SLIT1: variants seen among roughly 807,000 people sequenced by gnomAD.
The protein encoded by SLIT1 is slit guidance ligand 1, also known as slit homolog 1 protein.
A neutral mutation model predicts 186.1 loss-of-function variants in SLIT1; 66 were observed. The ratio of observed to expected loss-of-function variants is 0.35; its 90% CI spans 0.29 to 0.44. SLIT1 has a LOEUF of 0.44. Among genes scored for constraint, SLIT1 ranks in the 20% least tolerant of loss-of-function variants. The pLI, the probability that SLIT1 is intolerant of heterozygous loss-of-function variation, is 1.00. For missense variants in SLIT1, 1,638 were observed against 2,037.4 expected, an observed-to-expected ratio of 0.80 and a Z score of 3.77; for synonymous variants, 761 against 833.8, an observed-to-expected ratio of 0.91 and a Z score of 1.50.
intron 3 of SLIT1, 127 bp downstream of exon 3, chr10:97,163,253 G>A: frequency 2.6e-6 from 2 of 760,188 alleles, no homozygotes; most frequent in Non-Finnish European, 4.5e-6. Context: ...TCCATCCGCT[G>A]GTGGAGGCAG....
chr10:97,165,892 C>A (rs528564290), intron 1 of SLIT1, among the ~76,000 whole-genome samples: 1 of 152,244 alleles, frequency 6.6e-6, no homozygotes, highest in East Asian at 1.9e-4. Flanking sequence ...CTGCCCCACC[C>A]AGCCTCGCTC....
chr10:97,127,117 C>T (rs1425780081), intron 4 of SLIT1, among the ~76,000 whole-genome samples: 5 of 142,632 alleles, frequency 3.5e-5, no homozygotes, highest in South Asian at 2.4e-4. Flanking sequence ...GGTGAAACCC[C>T]GTCTCTACTA....
intron 21 of SLIT1, 33 bp downstream of exon 21, chr10:97,039,955 C>G (rs376748897): frequency 6.2e-7 from 1 of 1,610,456 alleles, no homozygotes; most frequent in African/African-American, 1.3e-5. Context: ...CCTGTGGACC[C>G]ACGTGAAGGG....
rs1350039510 is a variant in SLIT1 at position 97,037,819 on chromosome 10, C to A, written c.2298-53G>T. ...GCCCATCTCCACCTCTGGTGGTGCC[C>A]CATGCTGGGGACAGCCTTCCCTGCA... is the stretch of plus-strand genomic sequence containing the variant. On this transcript the variant is annotated intron_variant, in intron 21 of 36. Coordinates refer to ENST00000266058, the MANE Select transcript of SLIT1 (RefSeq NM_003061.3). The A allele has an allele frequency of 2.7e-6, 4 of 1,470,522 alleles. No homozygotes were observed. In the Admixed American group the frequency reaches 6.9e-5, roughly 26 times the overall value. 91.1% of individuals were successfully genotyped at this position (1,470,522 alleles called of 1,614,324 possible).
chr10:97,000,972 C>T lies in SLIT1; in HGVS notation c.*140G>A. 1 of 665,682 alleles carries T rather than the reference C, an allele frequency of 1.5e-6. No individual in the cohort carries two copies. The highest frequency in any genetic ancestry group is 2.5e-6 in the Non-Finnish European group (1 of 393,098). The allele number at this position is 665,682 out of a possible 1,614,324, so 41.2% of individuals were successfully genotyped here. A position where few individuals can be genotyped will look rare whatever the true frequency, so the allele number is the denominator to read the frequency against. ...TTGCTTTTAAAAGGCTGCTCTGGCA[C>T]CACCCCACCCAGGAGGGCCCAGCTG... is the stretch of plus-strand genomic sequence containing the variant. On this transcript the variant is annotated 3_prime_UTR_variant, in exon 37 of 37. Transcript: ENST00000266058.
rs535197592 is a variant in SLIT1 at position 97,053,879 on chromosome 10, C to G, written c.1301+2442G>C. On this transcript the variant is annotated intron_variant, in intron 13 of 36. Coordinates refer to ENST00000266058, the MANE Select transcript of SLIT1 (RefSeq NM_003061.3). ...TTCTGATATGGTTTGGATGTTCGTC[C>G]CCACCAAACCTCATGTTGAAATGTA... Among the ~76,000 whole-genome samples, 6 of 152,228 alleles carry G rather than the reference C, an allele frequency of 3.9e-5. No individual in the cohort carries two copies. The South Asian group carries it at 1.0e-3, about 26-fold the overall frequency.
chr10:97,170,638 C>G (rs976058096), intron 1 of SLIT1, among the ~76,000 whole-genome samples: 12 of 152,224 alleles, frequency 7.9e-5, no homozygotes, highest in South Asian at 2.1e-4. Context: ...ATCCTTCTCC[C>G]CAAGGAGGAA....
At chr10:97,135,543 G>A (rs1281938516) in intron 4 of SLIT1, among the ~76,000 whole-genome samples, 1 of 152,192 alleles carries the variant, frequency 6.6e-6, no homozygotes, top group African/African-American at 2.4e-5. Context: ...GGAACTGGAG[G>A]CCGAGCAATA....
intron 4 of SLIT1, among the ~76,000 whole-genome samples, chr10:97,114,947 T>A (rs548397021): frequency 3.9e-5 from 6 of 152,210 alleles, no homozygotes; most frequent in Admixed American, 3.9e-4. Flanking sequence ...CCTTAGCACA[T>A]GATAAATGGC....
At chr10:97,034,424 A>G (rs747364657) in intron 23 of SLIT1, 47 bp downstream of exon 23, 7 of 1,360,740 alleles carry the variant, frequency 5.1e-6, no homozygotes, top group Non-Finnish European at 7.4e-6. Flanking sequence ...GGAATGACTC[A>G]CAGCCATGGC....
chr10:97,173,299 T>C (rs1850214816), intron 1 of SLIT1, among the ~76,000 whole-genome samples: 1 of 152,176 alleles, frequency 6.6e-6, no homozygotes, highest in South Asian at 2.1e-4. Flanking sequence ...GCCTGGCTCC[T>C]TCATAAACAT....
intron 4 of SLIT1, among the ~76,000 whole-genome samples, chr10:97,136,662 C>T (rs1311494753): frequency 1.3e-5 from 2 of 152,212 alleles, no homozygotes; most frequent in Non-Finnish European, 2.9e-5. Flanking sequence ...TGGGTCCTCC[C>T]TGAAAGCCAG....
chr10:97,102,521 T>C (rs940023261), intron 4 of SLIT1: 2 of 151,432 alleles, frequency 1.3e-5, no homozygotes, highest in Admixed American at 6.6e-5. Context: ...GTGACAACCT[T>C]AGAGACTGCC....
chr10:97,016,594 A>G (rs1848456904), intron 28 of SLIT1, among the ~76,000 whole-genome samples: 1 of 152,130 alleles, frequency 6.6e-6, no homozygotes, highest in Non-Finnish European at 1.5e-5. Flanking sequence ...GGGTTTTGCC[A>G]TGGGGATTTT....
At chr10:97,161,551 C>T (rs1223642514) in intron 3 of SLIT1, among the ~76,000 whole-genome samples, 8 of 152,100 alleles carry the variant, frequency 5.3e-5, no homozygotes, top group East Asian at 1.9e-4. Context: ...CCAAGGCGGG[C>T]GGATCACCTG....
intron 4 of SLIT1, among the ~76,000 whole-genome samples, chr10:97,149,464 G>A (rs959060465): frequency 2.6e-5 from 4 of 152,218 alleles, no homozygotes; most frequent in Admixed American, 1.3e-4. Flanking sequence ...ACATTGAACC[G>A]GGCGGGGCAG....
intron 14 of SLIT1, 57 bp downstream of exon 14, chr10:97,048,898 G>A (rs1848761557): frequency 6.5e-7 from 1 of 1,542,018 alleles, no homozygotes; most frequent in African/African-American, 1.4e-5. Context: ...TAGGCCGGTG[G>A]GCAGGTGGGC....
chr10:97,085,544 C>T (rs1849150522), intron 4 of SLIT1, among the ~76,000 whole-genome samples: 1 of 152,126 alleles, frequency 6.6e-6, no homozygotes. Flanking sequence ...CATGCCACCA[C>T]ACCCAGCTAA....
chr10:97,023,741 G>A (rs1848520980), intron 25 of SLIT1, among the ~76,000 whole-genome samples: 1 of 152,156 alleles, frequency 6.6e-6, no homozygotes, highest in South Asian at 2.1e-4. Context: ...TCAGGAGTTC[G>A]AGACCAGCCT....
Sources: gnomAD v4.1 joint callset for allele counts (sites outside exome capture counted in the v4.1 genomes callset) on GRCh38, gnomAD v4.1.1 for gene constraint, MANE v1.5 for transcripts, NCBI Gene and HGNC (gene_info 2026-07-23, HGNC 2026-07-21) for gene names.